SPIDR: variants seen among roughly 807,000 people sequenced by gnomAD.
The protein encoded by SPIDR is DNA repair-scaffolding protein.
SPIDR carries 93 observed loss-of-function variants against 104.6 expected under a neutral mutation model. The ratio of observed to expected loss-of-function variants is 0.89; its 90% CI spans 0.75 to 1.06. SPIDR has a LOEUF of 1.06. SPIDR is among the 50% of genes least tolerant of loss of function. SPIDR has a pLI of 0.00. For synonymous variants in SPIDR, 431 were observed against 416.9 expected, an observed-to-expected ratio of 1.03 and a Z score of -0.41; for missense variants, 1,154 against 1,111.2, an observed-to-expected ratio of 1.04 and a Z score of -0.55.
chr8:47,265,202 T>G (rs1211413901), intron 1 of SPIDR, among the ~76,000 whole-genome samples: 1 of 149,278 alleles, frequency 6.7e-6, no homozygotes, highest in Non-Finnish European at 1.5e-5. Flanking sequence ...TTTTTTTTTT[T>G]TTTTTTTGAG....
intron 8 of SPIDR, among the ~76,000 whole-genome samples, chr8:47,450,192 A>G (rs1228926585): frequency 3.3e-5 from 5 of 152,106 alleles, no homozygotes; most frequent in Admixed American, 3.3e-4. Flanking sequence ...CATTTGTCTT[A>G]TGGTTCTAGA....
intron 5 of SPIDR, among the ~76,000 whole-genome samples, chr8:47,359,238 G>A (rs1554628238): frequency 6.9e-6 from 1 of 144,800 alleles, no homozygotes; most frequent in African/African-American, 2.6e-5. Flanking sequence ...GGGCGACAGA[G>A]CGAGACTCCG....
intron 8 of SPIDR, among the ~76,000 whole-genome samples, chr8:47,476,568 C>G (rs575748619): frequency 2.0e-5 from 3 of 152,102 alleles, no homozygotes; most frequent in East Asian, 1.9e-4. Flanking sequence ...CACACCTTGC[C>G]CCTTTCTCAC....
intron 19 of SPIDR, 153 bp downstream of exon 19, chr8:47,729,618 G>C (rs755157894): frequency 1.8e-5 from 14 of 787,492 alleles, no homozygotes; most frequent in Non-Finnish European, 2.2e-5. Flanking sequence ...ATGCAGATAT[G>C]TCTGCCATTC....
At chr8:47,382,406 A>G (rs188839654) in intron 5 of SPIDR, among the ~76,000 whole-genome samples, 32 of 152,312 alleles carry the variant, frequency 2.1e-4, no homozygotes, top group Admixed American at 1.8e-3. Context: ...ATTAATTTTT[A>G]AATTTAAAGT....
chr8:47,502,325 A>T (rs1310716565), intron 8 of SPIDR, among the ~76,000 whole-genome samples: 1 of 152,092 alleles, frequency 6.6e-6, no homozygotes. Flanking sequence ...AGAGCCTGTT[A>T]TTGGTCTATT....
chr8:47,470,548 T>C (rs2075546121), intron 8 of SPIDR, among the ~76,000 whole-genome samples: 2 of 151,882 alleles, frequency 1.3e-5, no homozygotes, highest in Non-Finnish European at 1.5e-5. Context: ...CCTCCCAAAC[T>C]GCTGGTCAGT....
At chr8:47,288,984 A>G (rs2039399427) in intron 3 of SPIDR, among the ~76,000 whole-genome samples, 1 of 152,206 alleles carries the variant, frequency 6.6e-6, no homozygotes, top group South Asian at 2.1e-4. Flanking sequence ...TCCAGACCAC[A>G]CATATTCCTT....
At chr8:47,299,971 G>A (rs2041736560) in intron 5 of SPIDR, among the ~76,000 whole-genome samples, 1 of 152,202 alleles carries the variant, frequency 6.6e-6, no homozygotes, top group African/African-American at 2.4e-5. Context: ...CTCATAAAAT[G>A]CGTTAGGGAG....
intron 8 of SPIDR, among the ~76,000 whole-genome samples, chr8:47,590,106 G>A (rs973224781): frequency 1.1e-4 from 16 of 151,552 alleles, no homozygotes; most frequent in South Asian, 6.3e-4. Context: ...CCCAGGTAGC[G>A]GAGATTGCAG....
At chr8:47,514,776 A>G (rs1219209163) in intron 8 of SPIDR, among the ~76,000 whole-genome samples, 2 of 152,192 alleles carry the variant, frequency 1.3e-5, no homozygotes, top group South Asian at 2.1e-4. Flanking sequence ...ACAATATACT[A>G]CAAGTTATAT....
intron 10 of SPIDR, among the ~76,000 whole-genome samples, chr8:47,656,810 G>A (rs897998617): frequency 1.3e-5 from 2 of 152,198 alleles, no homozygotes; most frequent in Non-Finnish European, 1.5e-5. Context: ...CCATGTAATG[G>A]AATATCATTC....
rs1247637140 is a variant in SPIDR at position 47,712,823 on chromosome 8, T to G, written c.2139T>G (p.Ala713=). 1.2e-6 allele frequency: 2 copies of G among 1,613,982 alleles called. No individual in the cohort carries two copies. The highest frequency in any genetic ancestry group is 3.3e-5 in the Admixed American group (2 of 59,998). The change falls in exon 15 of 20, where the codon GCT becomes GCG. Residue 713 remains alanine (A), a synonymous_variant. Coordinates refer to ENST00000297423, the MANE Select transcript of SPIDR (RefSeq NM_001080394.4). The stretch of plus-strand genomic sequence containing the variant: ...GCTCTGAAGTCCTGGAGGCACTCGC[T>G]GGGGCTGCCCCTCACAGCCTCTTCT... The part of the protein sequence containing the change: ...VLGSEVLEAL[A]GAAPHSLFFK...
chr8:47,547,791 G>T, intron 8 of SPIDR: 1 of 174,518 alleles, frequency 5.7e-6, no homozygotes. Flanking sequence ...TTAGGAAAAT[G>T]ATGACGGGGA....
At chr8:47,461,867 G>T (rs1382109091) in intron 8 of SPIDR, among the ~76,000 whole-genome samples, 2 of 150,616 alleles carry the variant, frequency 1.3e-5, no homozygotes, top group Non-Finnish European at 1.5e-5. Context: ...TTTCTCTGAT[G>T]CCTCCTTGAT....
At chr8:47,705,054 C>T (rs940847962) in intron 14 of SPIDR, among the ~76,000 whole-genome samples, 2 of 152,226 alleles carry the variant, frequency 1.3e-5, no homozygotes, top group African/African-American at 2.4e-5. Context: ...GTCCTCAGAG[C>T]AGCCACGTGG....
intron 8 of SPIDR, among the ~76,000 whole-genome samples, chr8:47,575,495 A>T (rs1184299824): frequency 6.6e-6 from 1 of 151,102 alleles, no homozygotes; most frequent in African/African-American, 2.4e-5. Flanking sequence ...TACAAAAAAA[A>T]AATTAGCCGG....
At chr8:47,678,671 A>C (rs1429524080) in intron 11 of SPIDR, among the ~76,000 whole-genome samples, 1 of 152,144 alleles carries the variant, frequency 6.6e-6, no homozygotes, top group East Asian at 1.9e-4. Context: ...AAGGGCTAAA[A>C]TGGAAGGGAG....
intron 8 of SPIDR, among the ~76,000 whole-genome samples, chr8:47,490,247 T>G (rs544414033): frequency 3.3e-5 from 5 of 152,016 alleles, no homozygotes; most frequent in Non-Finnish European, 5.9e-5. Flanking sequence ...ACATGAAAAA[T>G]TGCTCATCAT....
Sources: allele counts gnomAD v4.1 joint callset (sites outside exome capture counted in the v4.1 genomes callset), GRCh38; gene constraint gnomAD v4.1.1; transcripts MANE v1.5; gene names NCBI Gene and HGNC (gene_info 2026-07-23, HGNC 2026-07-21).